EIF2B3: variants seen among roughly 807,000 people sequenced by gnomAD.
EIF2B3 encodes the protein eukaryotic translation initiation factor 2B subunit gamma, also known as translation initiation factor eIF2B subunit gamma.
A neutral mutation model predicts 54.1 loss-of-function variants in EIF2B3; 20 were observed. The ratio of observed to expected loss-of-function variants is 0.37; its 90% CI spans 0.26 to 0.54. EIF2B3 has a LOEUF of 0.54. Among genes scored for constraint, EIF2B3 ranks in the 20% least tolerant of loss-of-function variants. EIF2B3 has a pLI of 0.86. For missense variants in EIF2B3, 448 were observed against 547.8 expected, an observed-to-expected ratio of 0.82 and a Z score of 1.82; for synonymous variants, 153 against 188.1, an observed-to-expected ratio of 0.81 and a Z score of 1.52.
intron 7 of EIF2B3, 78 bp from the exon 8 acceptor site, chr1:44,880,086 TTTTG>T: frequency 6.6e-7 from 1 of 1,515,038 alleles, no homozygotes. Context: ...CAAGTTGTTT[TTTTG>T]TTTATTTAAG....
At chr1:44,885,651 C>T (rs113128222) in intron 6 of EIF2B3, among the ~76,000 whole-genome samples, 6,441 of 152,110 alleles carry the variant, frequency 0.042, 185 homozygotes, top group Non-Finnish European at 0.062. Context: ...AAAGGTATTC[C>T]CGTTATTTAT....
At chr1:44,860,283 G>A (rs1327818020) in intron 10 of EIF2B3, among the ~76,000 whole-genome samples, 2 of 152,192 alleles carry the variant, frequency 1.3e-5, no homozygotes, top group Non-Finnish European at 2.9e-5. Flanking sequence ...CCAAGTAGCT[G>A]AGACTATAGG....
intron 5 of EIF2B3, among the ~76,000 whole-genome samples, chr1:44,921,832 C>T (rs1182590163): frequency 2.0e-5 from 3 of 151,772 alleles, no homozygotes; most frequent in African/African-American, 7.3e-5. Flanking sequence ...ATTCCTGTAG[C>T]TTTGTTCTTT....
At chr1:44,983,214 G>A (rs749623) in intron 1 of EIF2B3, among the ~76,000 whole-genome samples, 13,733 of 152,266 alleles carry the variant, frequency 0.09, 809 homozygotes, top group Non-Finnish European at 0.13. Flanking sequence ...GCACCTGACC[G>A]ATCTTTACTG....
intron 4 of EIF2B3, among the ~76,000 whole-genome samples, chr1:44,935,614 C>T (rs536264935): frequency 1.3e-5 from 2 of 152,286 alleles, no homozygotes; most frequent in South Asian, 4.1e-4. Flanking sequence ...ATTCTCCTGC[C>T]TCAGCCTCCC....
Position 44,857,817 on chromosome 1 carries a change from A to G in EIF2B3, c.1203-10T>C. 1 of 1,613,598 alleles carries G rather than the reference A, an allele frequency of 6.2e-7. No individual in the cohort carries two copies. On this transcript the variant is annotated splice_polypyrimidine_tract_variant and intron_variant, in intron 10 of 11. Transcript: ENST00000360403. Reference sequence around the variant, plus strand: ...GCCTTGGATATTGCTTCTGTAACACAGTAGCCAAGTTAGGGAGGACCCAAG... The same window carrying G: ...GCCTTGGATATTGCTTCTGTAACACGGTAGCCAAGTTAGGGAGGACCCAAG...
intron 3 of EIF2B3, chr1:44,959,250 A>G: frequency 1.4e-6 from 1 of 695,018 alleles, no homozygotes; most frequent in Admixed American, 1.9e-5. Flanking sequence ...GGAGATGGAG[A>G]TTTTCAGTTC....
At chr1:44,971,415 A>G (rs1309108567) in intron 3 of EIF2B3, among the ~76,000 whole-genome samples, 2 of 151,858 alleles carry the variant, frequency 1.3e-5, no homozygotes, top group African/African-American at 2.4e-5. Context: ...AAAGGCAGTA[A>G]CTTGGAGAGT....
rs374332908 is a variant in EIF2B3 at position 44,984,968 on chromosome 1, G to A, written c.-10+1525C>T. 4.5e-4 allele frequency among the ~76,000 whole-genome samples: 67 copies of A among 149,850 alleles called. No homozygotes were observed. The East Asian group carries it at 0.011, about 25-fold the overall frequency. ...ACTACAGGCACCCGCCACCGCGCCC[G>A]GCTAATTTTTTGTATTTTTAGTAGA... On this transcript the variant is annotated intron_variant, in intron 1 of 11. Coordinates refer to ENST00000360403, the MANE Select transcript of EIF2B3 (RefSeq NM_020365.5).
At chr1:44,967,946 G>C (rs1404262277) in intron 3 of EIF2B3, among the ~76,000 whole-genome samples, 4 of 151,908 alleles carry the variant, frequency 2.6e-5, no homozygotes, top group Non-Finnish European at 5.9e-5. Context: ...GCTGAGACAG[G>C]AGAATCGCTT....
chr1:44,975,922 C>A (rs182073220), intron 3 of EIF2B3, among the ~76,000 whole-genome samples: 2 of 151,920 alleles, frequency 1.3e-5, no homozygotes, highest in African/African-American at 4.8e-5. Context: ...TGAGGTGGTG[C>A]GGTGAGGAGG....
intron 3 of EIF2B3, among the ~76,000 whole-genome samples, chr1:44,948,722 T>C (rs1013783281): frequency 3.3e-5 from 5 of 152,146 alleles, no homozygotes; most frequent in Non-Finnish European, 7.3e-5. Flanking sequence ...TTTTGGAGAT[T>C]GCTGCTCAAC....
chr1:44,965,634 C>CTTTTTTTTTTTTTTT (rs386366856), intron 3 of EIF2B3, among the ~76,000 whole-genome samples: 4 of 102,400 alleles, frequency 3.9e-5, no homozygotes, highest in African/African-American at 1.2e-4. Context: ...ACAAATGCAT[C>CTTTTTTTTTTTTTTT]TTTTTTTTTT....
intron 3 of EIF2B3, among the ~76,000 whole-genome samples, chr1:44,951,476 G>T (rs1408327913): frequency 6.7e-6 from 1 of 148,400 alleles, no homozygotes; most frequent in African/African-American, 2.5e-5. Context: ...CAGCTTATGT[G>T]GTCCATCACT....
chr1:44,914,777 C>T (rs1444254702), intron 5 of EIF2B3, among the ~76,000 whole-genome samples: 2 of 152,064 alleles, frequency 1.3e-5, no homozygotes, highest in South Asian at 2.1e-4. Context: ...CTAGCTCCGC[C>T]ACCCTGTTTC....
intron 5 of EIF2B3, among the ~76,000 whole-genome samples, chr1:44,905,987 G>C (rs1643404296): frequency 6.6e-6 from 1 of 152,138 alleles, no homozygotes. Context: ...CACTCCCCAA[G>C]AGGTGCTCAA....
At chr1:44,931,526 T>C (rs1643896709) in intron 4 of EIF2B3, among the ~76,000 whole-genome samples, 1 of 152,232 alleles carries the variant, frequency 6.6e-6, no homozygotes, top group Non-Finnish European at 1.5e-5. Flanking sequence ...TGGCTACACT[T>C]AGGCCAAACT....
intron 6 of EIF2B3, among the ~76,000 whole-genome samples, chr1:44,883,700 C>T (rs542045987): frequency 7.2e-5 from 11 of 152,294 alleles, no homozygotes; most frequent in Non-Finnish European, 1.2e-4. Context: ...TCTGGTTTCC[C>T]GTTTAGCTGC....
At chr1:44,920,669 C>CTTAA (rs1254281994) in intron 5 of EIF2B3, among the ~76,000 whole-genome samples, 3 of 152,200 alleles carry the variant, frequency 2.0e-5, no homozygotes, top group African/African-American at 7.2e-5. Context: ...GCTTATTTCA[C>CTTAA]TTAACATAAT....
Sources: allele counts gnomAD v4.1 joint callset (sites outside exome capture counted in the v4.1 genomes callset), GRCh38; gene constraint gnomAD v4.1.1; transcripts MANE v1.5; gene names NCBI Gene and HGNC (gene_info 2026-07-23, HGNC 2026-07-21).